The following MEF2A variants were observed in gnomAD, a reference collection of about 807,000 sequenced individuals.
MEF2A encodes the protein myocyte enhancer factor 2A.
In MEF2A, 28 loss-of-function variants were observed where a neutral mutation model predicts 55.8. The observed-to-expected ratio is 0.50, with a 90% CI of 0.37 to 0.69. The LOEUF (loss-of-function observed/expected upper bound fraction) is 0.69, where lower values mean the gene tolerates loss of function less well. MEF2A is among the 30% of genes least tolerant of loss of function. The probability of loss-of-function intolerance (pLI) is 0.00; values close to 1 mark genes in which losing one functional copy is unlikely to be tolerated. For synonymous variants in MEF2A, 239 were observed against 227.1 expected (o/e 1.05, Z -0.47); for missense variants, 528 against 626.2 (o/e 0.84, Z 1.67).
chr15:99,628,727 G>A (rs1166453234), intron 2 of MEF2A, among the ~76,000 whole-genome samples: 2 of 151,966 alleles, frequency 1.3e-5, no homozygotes, highest in Admixed American at 6.5e-5. Context: ...GTTATGTATT[G>A]TAACATTTGA....
chr15:99,689,655 A>G lies in MEF2A; in HGVS notation c.671-586A>G, dbSNP rs2054987551. 1.3e-5 allele frequency among the ~76,000 whole-genome samples: 2 copies of G among 152,028 alleles called. 1 individual carries two copies. The highest frequency in any genetic ancestry group is 4.1e-4 in the South Asian group (2 of 4,822). Reference sequence around the variant, plus strand: ...GCCACCACATCCAGCTAATTTTTGTATTATTAGTAGAGACGGGGTTTCAAC... The same window carrying G: ...GCCACCACATCCAGCTAATTTTTGTGTTATTAGTAGAGACGGGGTTTCAAC... On this transcript the variant is annotated intron_variant, in intron 7 of 11. Coordinates refer to ENST00000557942, the MANE Select transcript of MEF2A (RefSeq NM_001319206.4).
chr15:99,631,937 A>C (rs765474612), intron 2 of MEF2A, among the ~76,000 whole-genome samples: 3 of 152,246 alleles, frequency 2.0e-5, no homozygotes, highest in Non-Finnish European at 4.4e-5. Flanking sequence ...ACACATGTAC[A>C]GTATTGAAAA....
At chr15:99,649,437 TATTTC>T (rs1037638678) in intron 4 of MEF2A, among the ~76,000 whole-genome samples, 2 of 152,182 alleles carry the variant, frequency 1.3e-5, no homozygotes, top group South Asian at 2.1e-4. Flanking sequence ...TTATTTCCCA[TATTTC>T]ATTAGGTGAC....
At chr15:99,644,654 A>T (rs560308663) in intron 3 of MEF2A, among the ~76,000 whole-genome samples, 2 of 152,370 alleles carry the variant, frequency 1.3e-5, no homozygotes, top group South Asian at 4.1e-4. Flanking sequence ...TCCAAAGATT[A>T]TTCAAAAGTA....
chr15:99,576,883 A>G lies in MEF2A; in HGVS notation c.-225+10779A>G, dbSNP rs572899694. Among the ~76,000 whole-genome samples the G allele has an allele frequency of 1.4e-3, 208 of 152,132 alleles. 2 individuals are homozygous for G. Among genetic ancestry groups the G allele is most frequent in the African/African-American group, 4.7e-3 (195 of 41,532 alleles). On this transcript the variant is annotated intron_variant, in intron 1 of 11. Transcript: ENST00000557942. ...AGGATGGTCTTGATCTCCTGACCTC[A>G]TGATCCACCCACCTCGGCCTCCCAA...
chr15:99,612,944 G>T (rs1343028888), intron 2 of MEF2A, among the ~76,000 whole-genome samples: 1 of 151,632 alleles, frequency 6.6e-6, no homozygotes, highest in African/African-American at 2.4e-5. Flanking sequence ...GACCAAGAAA[G>T]CCATGTAATT....
intron 4 of MEF2A, among the ~76,000 whole-genome samples, chr15:99,657,777 A>G (rs1022744192): frequency 6.6e-6 from 1 of 152,128 alleles, no homozygotes; most frequent in Non-Finnish European, 1.5e-5. Context: ...CCTGCTCCCA[A>G]AGGATTCCAA....
In MEF2A at chr15:99,711,059, C is replaced by G. The variant is rs528374070; in HGVS notation, c.1136+299C>G. On this transcript the variant is annotated intron_variant, in intron 11 of 11. Coordinates refer to ENST00000557942, the MANE Select transcript of MEF2A (RefSeq NM_001319206.4). The stretch of plus-strand genomic sequence containing the variant: ...AAGGGGTCTGAAGGCACAGATACCA[C>G]CCGCATGCACCATCCTTCTGCCCTC... Among the ~76,000 whole-genome samples, 5 of 152,280 alleles carry G rather than the reference C, an allele frequency of 3.3e-5. No homozygotes were observed. The South Asian group carries it at 8.3e-4, about 25-fold the overall frequency.
In MEF2A at chr15:99,712,335, C is replaced by T. The variant is rs2058726185; in HGVS notation, c.1137-55C>T. On this transcript the variant is annotated intron_variant, in intron 11 of 11. Transcript: ENST00000557942. This position sits in a 1 kb window ranked among gnomAD's most constrained non-coding sequence, Gnocchi z 4.1. ...AGGCAGTGTCTCTACTGTATCATCC[C>T]AGTTTTGCAGAGGTACTTGCAAGCC... 6.8e-7 allele frequency: 1 copy of T among 1,477,638 alleles called. No individual in the cohort carries two copies. Among genetic ancestry groups the T allele is most frequent in the East Asian group, 2.5e-5 (1 of 40,254 alleles). 91.5% of individuals were successfully genotyped at this position (1,477,638 alleles called of 1,614,324 possible).
At chr15:99,660,631 A>G (rs2048464831) in intron 4 of MEF2A, among the ~76,000 whole-genome samples, 1 of 152,220 alleles carries the variant, frequency 6.6e-6, no homozygotes, top group Admixed American at 6.5e-5. Context: ...TGTATGAATA[A>G]GAAAGAAATA....
At chr15:99,652,020 C>T (rs2046928011) in intron 4 of MEF2A, among the ~76,000 whole-genome samples, 1 of 151,970 alleles carries the variant, frequency 6.6e-6, no homozygotes, top group Non-Finnish European at 1.5e-5. Flanking sequence ...TAGTACTTAC[C>T]ATCAGATAAA....
intron 1 of MEF2A, among the ~76,000 whole-genome samples, chr15:99,576,088 C>A (rs1487921667): frequency 6.6e-6 from 1 of 152,094 alleles, no homozygotes; most frequent in Non-Finnish European, 1.5e-5. Context: ...TCAAGTTTTC[C>A]TTTATTGGGT....
At chr15:99,583,955 C>T (rs910236314) in intron 1 of MEF2A, among the ~76,000 whole-genome samples, 1 of 152,090 alleles carries the variant, frequency 6.6e-6, no homozygotes, top group African/African-American at 2.4e-5. Context: ...ATGGCACAGT[C>T]TACTACACAC....
At chr15:99,710,135 G>A (rs2058469729) in intron 10 of MEF2A, among the ~76,000 whole-genome samples, 1 of 152,194 alleles carries the variant, frequency 6.6e-6, no homozygotes, top group Admixed American at 6.5e-5. Flanking sequence ...CCCAGACAAA[G>A]AAATATTGCT....
At chr15:99,635,012 G>T (rs1170073040) in intron 3 of MEF2A, among the ~76,000 whole-genome samples, 1 of 152,122 alleles carries the variant, frequency 6.6e-6, no homozygotes, top group Non-Finnish European at 1.5e-5. Flanking sequence ...CTTCATGAAA[G>T]GGAGAAAAAC....
At chr15:99,644,925 A>G (rs1025523593) in intron 3 of MEF2A, among the ~76,000 whole-genome samples, 1 of 152,190 alleles carries the variant, frequency 6.6e-6, no homozygotes, top group African/African-American at 2.4e-5. Context: ...TGTCGAAGAG[A>G]GAATACAGAG....
intron 1 of MEF2A, among the ~76,000 whole-genome samples, chr15:99,586,338 C>G (rs1004551979): frequency 1.3e-5 from 2 of 152,152 alleles, no homozygotes; most frequent in East Asian, 3.9e-4. Context: ...TTCACCAACA[C>G]TTTGCATTGT....
intron 2 of MEF2A, among the ~76,000 whole-genome samples, chr15:99,615,009 C>T (rs1449189435): frequency 6.6e-6 from 1 of 151,916 alleles, no homozygotes; most frequent in African/African-American, 2.4e-5. Context: ...TATATTGGCA[C>T]GTTAAAAGGT....
chr15:99,678,808 A>G (rs2052628516), intron 7 of MEF2A: 1 of 425,866 alleles, frequency 2.3e-6, no homozygotes, highest in Non-Finnish European at 3.1e-6. Flanking sequence ...AATCAAAAGC[A>G]CTGTAAAGAG....
Sources: gnomAD v4.1 joint callset for allele counts (sites outside exome capture counted in the v4.1 genomes callset) on GRCh38, gnomAD v4.1.1 for gene constraint, Gnocchi (gnomAD v3.1) non-coding constraint, MANE v1.5 for transcripts, NCBI Gene and HGNC (gene_info 2026-07-23, HGNC 2026-07-21) for gene names.